The following GALNT7 variants were observed in gnomAD, a reference collection of about 807,000 sequenced individuals.
GALNT7 encodes N-acetylgalactosaminyltransferase 7.
Under a neutral mutation model 82.1 loss-of-function variants are expected in GALNT7, and 60 were observed. That is an observed-to-expected ratio of 0.73 (90% CI 0.59 to 0.91). The LOEUF is 0.91. Among genes scored for constraint, GALNT7 ranks in the 40% least tolerant of loss-of-function variants. The pLI, the probability that GALNT7 is intolerant of heterozygous loss-of-function variation, is 0.00. For synonymous variants in GALNT7, 243 were observed against 275.1 expected, an observed-to-expected ratio of 0.88 and a Z score of 1.15; for missense variants, 660 against 804.2, an observed-to-expected ratio of 0.82 and a Z score of 2.17.
intron 1 of GALNT7, among the ~76,000 whole-genome samples, chr4:173,226,293 A>T (rs943408793): frequency 5.3e-5 from 8 of 152,186 alleles, no homozygotes; most frequent in Non-Finnish European, 8.8e-5. Context: ...CCATAAACTC[A>T]AAGTCTTTTT....
chr4:173,316,840 A>T (rs547208056), intron 9 of GALNT7: 11 of 152,400 alleles, frequency 7.2e-5, no homozygotes, highest in African/African-American at 2.6e-4. Flanking sequence ...GAGCTCCTCC[A>T]GGCAGGGTGA....
At chr4:173,211,415 A>G (rs904496004) in intron 1 of GALNT7, among the ~76,000 whole-genome samples, 3 of 152,222 alleles carry the variant, frequency 2.0e-5, no homozygotes, top group East Asian at 1.9e-4. Flanking sequence ...ACCTATGACT[A>G]AACACGTCCT....
At chr4:173,321,494 C>T in intron 11 of GALNT7, 86 bp from the exon 12 acceptor site, 1 of 897,242 alleles carries the variant, frequency 1.1e-6, no homozygotes, top group Non-Finnish European at 1.8e-6. Flanking sequence ...CTTAAACTGT[C>T]TCCTCATGAA....
At chr4:173,191,131 G>C (rs1383908985) in intron 1 of GALNT7, among the ~76,000 whole-genome samples, 1 of 152,052 alleles carries the variant, frequency 6.6e-6, no homozygotes, top group Non-Finnish European at 1.5e-5. Flanking sequence ...AGCACCAATA[G>C]GGCTAAGGCA....
Position 173,292,090 on chromosome 4 carries a change from G to T in GALNT7, c.588-18G>T. The T allele has an allele frequency of 1.3e-6, 2 of 1,575,482 alleles. No homozygotes were observed. The highest frequency in any genetic ancestry group is 1.7e-6 in the Non-Finnish European group (2 of 1,150,040). On this transcript the variant is annotated intron_variant, in intron 2 of 11. Coordinates refer to ENST00000265000, the MANE Select transcript of GALNT7 (RefSeq NM_017423.3). The surrounding 1 kb of genome is among the most constrained non-coding windows in gnomAD (Gnocchi z 4.8). ...TAGATTACCTGTAAATAAATATGAT[G>T]AAATTTTCTCTTTACAGATGCAAGT...
chr4:173,233,394 T>C lies in GALNT7; in HGVS notation c.127-14586T>C, dbSNP rs1207618333. On this transcript the variant is annotated intron_variant, in intron 1 of 11. Transcript: ENST00000265000. ...CCCTTACTCTGCATGTTTGCCAGCA[T>C]TGTTATTTTTTGTCTTTTTGATAAG... 2.0e-5 allele frequency among the ~76,000 whole-genome samples: 3 copies of C among 152,206 alleles called. 1 individual carries two copies. The East Asian group carries it at 5.8e-4, about 29-fold the overall frequency.
chr4:173,201,279 C>G (rs990352079), intron 1 of GALNT7, among the ~76,000 whole-genome samples: 1 of 151,998 alleles, frequency 6.6e-6, no homozygotes, highest in Non-Finnish European at 1.5e-5. Flanking sequence ...CCACCTCATG[C>G]CATTCTTGAT....
At chr4:173,184,311 T>G (rs560728164) in intron 1 of GALNT7, among the ~76,000 whole-genome samples, 1 of 151,960 alleles carries the variant, frequency 6.6e-6, no homozygotes, top group Non-Finnish European at 1.5e-5. Flanking sequence ...TGGGCAACAT[T>G]GAGCACTGAG....
chr4:173,196,587 C>G (rs1388410526), intron 1 of GALNT7, among the ~76,000 whole-genome samples: 1 of 151,978 alleles, frequency 6.6e-6, no homozygotes, highest in Non-Finnish European at 1.5e-5. Flanking sequence ...GCAGGATGTA[C>G]AGGTTTGTTA....
chr4:173,183,043 AACACACACACACACACACAC>A (rs35043722), intron 1 of GALNT7, among the ~76,000 whole-genome samples: 42 of 125,092 alleles, frequency 3.4e-4, no homozygotes, highest in African/African-American at 1.1e-3. Context: ...CACACACATA[AACACACACACACACACACAC>A]ACACACACAC....
intron 1 of GALNT7, among the ~76,000 whole-genome samples, chr4:173,219,380 T>G (rs1341161481): frequency 6.6e-6 from 1 of 152,164 alleles, no homozygotes; most frequent in African/African-American, 2.4e-5. Flanking sequence ...CACGGTTTCT[T>G]TATCCACTCG....
At chr4:173,262,297 CT>C (rs1312293183) in intron 2 of GALNT7, among the ~76,000 whole-genome samples, 2 of 152,068 alleles carry the variant, frequency 1.3e-5, no homozygotes, top group Non-Finnish European at 2.9e-5. Flanking sequence ...AAAAAAGAAC[CT>C]TTAGTACTGT....
intron 1 of GALNT7, among the ~76,000 whole-genome samples, chr4:173,229,848 CT>C (rs918637712): frequency 1.3e-5 from 2 of 151,414 alleles, no homozygotes; most frequent in African/African-American, 4.9e-5. Flanking sequence ...TGATTTACTA[CT>C]TTTTTTTTCA....
At position 173,295,372 on chromosome 4, in the gene GALNT7, A is replaced by C. The variant is rs374148726; in HGVS notation, c.755-24A>C. 5.3e-5 allele frequency: 78 copies of C among 1,464,720 alleles called. No homozygotes were observed. The African/African-American group carries it at 1.0e-3, about 19-fold the overall frequency. 90.7% of individuals were successfully genotyped at this position (1,464,720 alleles called of 1,614,324 possible). On this transcript the variant is annotated intron_variant, in intron 3 of 11. Coordinates refer to ENST00000265000, the MANE Select transcript of GALNT7 (RefSeq NM_017423.3). ...TTGGTTTCTATTCGTCTAATTTATA[A>C]TATCGATTGATTTTTCTTAACAGAA...
At position 173,298,137 on chromosome 4, in the gene GALNT7, A is replaced by G; in HGVS notation, c.988A>G (p.Ile330Val). 6.2e-7 allele frequency: 1 copy of G among 1,614,068 alleles called. No individual in the cohort carries two copies. The highest frequency in any genetic ancestry group is 8.5e-7 in the Non-Finnish European group (1 of 1,179,990). The change falls in exon 6 of 12, where the codon ATA becomes GTA. Residue 330 changes from isoleucine to valine, a missense_variant. Ile to Val is a conservative substitution (Grantham distance 29). Transcript: ENST00000265000. ...KDRTICTVPL[I>V]DVINGNTYEI... Reference sequence around the variant, plus strand: ...CAGAACCATTTGCACTGTGCCGCTTATAGATGTCATAAATGGCAACACATA... The same window carrying G: ...CAGAACCATTTGCACTGTGCCGCTTGTAGATGTCATAAATGGCAACACATA...
intron 6 of GALNT7, among the ~76,000 whole-genome samples, chr4:173,300,172 A>G (rs1310182155): frequency 1.3e-5 from 2 of 152,202 alleles, no homozygotes; most frequent in Non-Finnish European, 2.9e-5. Flanking sequence ...TTAAACAGAT[A>G]ACTGCATAAA....
intron 1 of GALNT7, among the ~76,000 whole-genome samples, chr4:173,223,237 T>C (rs751923725): frequency 6.6e-6 from 1 of 152,210 alleles, no homozygotes; most frequent in Non-Finnish European, 1.5e-5. Context: ...ACTCCATTCA[T>C]TGCCTTTTAA....
At chr4:173,268,631 C>G (rs959966633) in intron 2 of GALNT7, among the ~76,000 whole-genome samples, 1 of 140,756 alleles carries the variant, frequency 7.1e-6, no homozygotes, top group Admixed American at 7.6e-5. Context: ...CCCAGGTTCA[C>G]GCCATTCTCC....
chr4:173,178,103 A>T (rs1732130333), intron 1 of GALNT7, among the ~76,000 whole-genome samples: 1 of 148,212 alleles, frequency 6.7e-6, no homozygotes, highest in African/African-American at 2.6e-5. Context: ...TTTAGTTGTG[A>T]TCATATATAA....
Sources: allele counts gnomAD v4.1 joint callset (sites outside exome capture counted in the v4.1 genomes callset), GRCh38; gene constraint gnomAD v4.1.1; non-coding constraint Gnocchi (gnomAD v3.1); transcripts MANE v1.5; gene names NCBI Gene and HGNC (gene_info 2026-07-23, HGNC 2026-07-21).